The following GFRAL variants were observed in gnomAD, a reference collection of about 807,000 sequenced individuals.
GFRAL encodes GDNF family receptor alpha like, also known as GDNF family receptor alpha-like.
Under a neutral mutation model 45.4 loss-of-function variants are expected in GFRAL, and 36 were observed. That is an observed-to-expected ratio of 0.79 (90% confidence interval 0.61 to 1.05). GFRAL has a LOEUF of 1.05. Ranked by LOEUF, GFRAL falls within the 50% of genes least tolerant of loss-of-function variation. The pLI, the probability that GFRAL is intolerant of heterozygous loss-of-function variation, is 0.00. For synonymous variants in GFRAL, 166 were observed against 154.1 expected (o/e 1.08, Z -0.57); for missense variants, 507 against 467.5 (o/e 1.08, Z -0.78).
intron 6 of GFRAL, among the ~76,000 whole-genome samples, chr6:55,375,225 T>A (rs745497382): frequency 4.6e-5 from 7 of 152,176 alleles, no homozygotes; most frequent in Non-Finnish European, 8.8e-5. Flanking sequence ...GAATGACCAT[T>A]TTCATGATAT....
At chr6:55,381,255 A>G (rs1768603710) in intron 6 of GFRAL, among the ~76,000 whole-genome samples, 1 of 151,868 alleles carries the variant, frequency 6.6e-6, no homozygotes, top group Non-Finnish European at 1.5e-5. Context: ...ATTAACATAA[A>G]ACCTCCTCAA....
intron 5 of GFRAL, among the ~76,000 whole-genome samples, chr6:55,358,207 C>T (rs1319890062): frequency 6.6e-6 from 1 of 151,626 alleles, no homozygotes; most frequent in East Asian, 1.9e-4. Context: ...TGATGTCAAC[C>T]TATTCAAGAA....
At chr6:55,338,925 A>G (rs926336776) in intron 3 of GFRAL, among the ~76,000 whole-genome samples, 4 of 152,172 alleles carry the variant, frequency 2.6e-5, no homozygotes, top group African/African-American at 9.7e-5. Context: ...AGAGGAATGT[A>G]TCATCAGTTT....
At chr6:55,335,111 A>G (rs891289978) in intron 3 of GFRAL, among the ~76,000 whole-genome samples, 1 of 152,224 alleles carries the variant, frequency 6.6e-6, no homozygotes, top group Middle Eastern at 3.2e-3. Flanking sequence ...GATTTAGTGT[A>G]ATCATCAATG....
At chr6:55,338,349 C>T (rs1456578659) in intron 3 of GFRAL, among the ~76,000 whole-genome samples, 1 of 152,098 alleles carries the variant, frequency 6.6e-6, no homozygotes, top group Non-Finnish European at 1.5e-5. Flanking sequence ...ATCAAACTTC[C>T]AAAGTGCTGG....
intron 1 of GFRAL, among the ~76,000 whole-genome samples, chr6:55,328,342 A>C (rs1404637269): frequency 6.6e-6 from 1 of 151,964 alleles, no homozygotes; most frequent in Non-Finnish European, 1.5e-5. Flanking sequence ...CTAGATTGTA[A>C]TTTTAAAAAT....
chr6:55,383,448 A>G (rs2127363713), intron 6 of GFRAL, among the ~76,000 whole-genome samples: 1 of 152,082 alleles, frequency 6.6e-6, no homozygotes, highest in South Asian at 2.1e-4. Flanking sequence ...ATACTTTGTT[A>G]TACTGTGTTT....
At chr6:55,390,433 G>T (rs1768733283) in intron 6 of GFRAL, among the ~76,000 whole-genome samples, 1 of 152,148 alleles carries the variant, frequency 6.6e-6, no homozygotes, top group Admixed American at 6.5e-5. Flanking sequence ...AGTTGCCATT[G>T]GGAACATGCC....
chr6:55,397,887 AT>A (rs149345227), intron 6 of GFRAL, among the ~76,000 whole-genome samples: 6,544 of 152,214 alleles, frequency 0.043, 205 homozygotes, highest in African/African-American at 0.073. Flanking sequence ...ATAATACCGT[AT>A]TTTTTATAGT....
chr6:55,380,667 A>T (rs1000207367), intron 6 of GFRAL, among the ~76,000 whole-genome samples: 2 of 151,916 alleles, frequency 1.3e-5, no homozygotes, highest in African/African-American at 4.8e-5. Flanking sequence ...CAGAAGGGAA[A>T]GACCAATAAG....
intron 1 of GFRAL, among the ~76,000 whole-genome samples, chr6:55,329,277 T>G (rs1767800883): frequency 6.6e-6 from 1 of 151,992 alleles, no homozygotes; most frequent in Non-Finnish European, 1.5e-5. Flanking sequence ...TTAAGAAGCT[T>G]GTTCAACCAA....
At chr6:55,384,424 A>G (rs1768653731) in intron 6 of GFRAL, among the ~76,000 whole-genome samples, 2 of 152,104 alleles carry the variant, frequency 1.3e-5, no homozygotes, top group African/African-American at 4.8e-5. Context: ...TAAACATGAA[A>G]AAGTAGACTT....
At chr6:55,347,037 G>C (rs1021301630) in intron 3 of GFRAL, among the ~76,000 whole-genome samples, 1 of 151,928 alleles carries the variant, frequency 6.6e-6, no homozygotes, top group Non-Finnish European at 1.5e-5. Context: ...AAACCACTCA[G>C]TAAAATTTTA....
In GFRAL at chr6:55,331,858, G is replaced by A; in HGVS notation, c.157+9G>A. On this transcript the variant is annotated intron_variant, in intron 2 of 8. Transcript: ENST00000340465. ...TGCCTGCAATGATTCAGGTAAACAA[G>A]TTGCTAAAAATACACTCAAATGATT... The A allele has an allele frequency of 6.2e-7, 1 of 1,603,906 alleles. No homozygotes were observed. The highest frequency in any genetic ancestry group is 8.5e-7 in the Non-Finnish European group (1 of 1,176,108).
chr6:55,343,822 G>A (rs1289801803), intron 3 of GFRAL, among the ~76,000 whole-genome samples: 1 of 151,800 alleles, frequency 6.6e-6, no homozygotes, highest in Non-Finnish European at 1.5e-5. Flanking sequence ...TCAAATAGAA[G>A]CAATAAAAAA....
chr6:55,349,742 T>C (rs1388733630), intron 3 of GFRAL, among the ~76,000 whole-genome samples: 1 of 149,976 alleles, frequency 6.7e-6, no homozygotes, highest in Non-Finnish European at 1.5e-5. Flanking sequence ...TGGGAGGTAG[T>C]GTTCAGAAAA....
rs149344089 is a variant in GFRAL at position 55,348,786 on chromosome 6, A to T, written c.317-1306A>T. ...GATTATGGCTCCAACTTATGAATGT[A>T]GGGGTAATGAGAAAAACATTCAGTC... is the stretch of plus-strand genomic sequence containing the variant. On this transcript the variant is annotated intron_variant, in intron 3 of 8. Coordinates refer to ENST00000340465, the MANE Select transcript of GFRAL (RefSeq NM_207410.2). 8.2e-3 allele frequency among the ~76,000 whole-genome samples: 1,254 copies of T among 152,222 alleles called. 3 individuals carry two copies. The highest frequency in any genetic ancestry group is 0.013 in the Non-Finnish European group (905 of 68,006).
intron 6 of GFRAL, among the ~76,000 whole-genome samples, chr6:55,393,492 G>A (rs1768781938): frequency 6.6e-6 from 1 of 152,168 alleles, no homozygotes; most frequent in African/African-American, 2.4e-5. Context: ...GAGTAAAATG[G>A]CCTGAGAAAA....
chr6:55,338,906 AT>A (rs1767924704), intron 3 of GFRAL, among the ~76,000 whole-genome samples: 1 of 152,160 alleles, frequency 6.6e-6, no homozygotes. Context: ...GCTATTACAT[AT>A]TTTAAATAGA....
Sources: allele counts gnomAD v4.1 joint callset (sites outside exome capture counted in the v4.1 genomes callset), GRCh38; gene constraint gnomAD v4.1.1; transcripts MANE v1.5; gene names NCBI Gene and HGNC (gene_info 2026-07-23, HGNC 2026-07-21).